Variants in ULK4 observed in about 807,000 individuals in gnomAD.
The protein encoded by ULK4 is inactive serine/threonine-protein kinase ULK4.
Under a neutral mutation model 160.6 loss-of-function variants are expected in ULK4, and 133 were observed. The ratio of observed to expected loss-of-function variants is 0.83; its 90% CI spans 0.72 to 0.96. ULK4 has a LOEUF of 0.96. Among genes scored for constraint, ULK4 ranks in the 40% least tolerant of loss-of-function variants. ULK4 has a pLI of 0.00. For synonymous variants in ULK4, 534 were observed against 539.8 expected (o/e 0.99, Z 0.15); for missense variants, 1,580 against 1,499.5 (o/e 1.05, Z -0.89).
rs1263722124 is a variant in ULK4, at chr3:41,705,316, A to G, written c.2635-11T>C. On this transcript the variant is annotated splice_polypyrimidine_tract_variant and intron_variant, in intron 25 of 36. Coordinates refer to ENST00000301831, the MANE Select transcript of ULK4 (RefSeq NM_017886.4). ...AGATTTAATATGACTCTGAAAAAAAATAAATTTTTAATAAATAGAGTTTCA... is the reference window on the plus strand; with the variant it reads ...AGATTTAATATGACTCTGAAAAAAAGTAAATTTTTAATAAATAGAGTTTCA... 1 of 1,594,948 alleles carries G rather than the reference A, an allele frequency of 6.3e-7. No individual in the cohort carries two copies. Among genetic ancestry groups the G allele is most frequent in the South Asian group, 1.1e-5 (1 of 87,540 alleles).
intron 35 of ULK4, among the ~76,000 whole-genome samples, chr3:41,354,697 T>A (rs1352929844): frequency 1.3e-5 from 2 of 152,122 alleles, no homozygotes. Context: ...GGAAATGAGG[T>A]CCCACTCTGA....
At chr3:41,289,885 G>A (rs55644323) in intron 35 of ULK4, among the ~76,000 whole-genome samples, 38,796 of 151,670 alleles carry the variant, frequency 0.26, 7,554 homozygotes, top group African/African-American at 0.54. Flanking sequence ...GTGTGTGTGT[G>A]TGTATGTGTG....
chr3:41,318,426 C>T (rs990708652), intron 35 of ULK4, among the ~76,000 whole-genome samples: 2 of 152,010 alleles, frequency 1.3e-5, no homozygotes, highest in Non-Finnish European at 2.9e-5. Context: ...AGTAAGTAGG[C>T]ACAGTTGTAT....
At chr3:41,653,207 T>C (rs541971743) in intron 30 of ULK4, among the ~76,000 whole-genome samples, 20 of 152,288 alleles carry the variant, frequency 1.3e-4, no homozygotes, top group Non-Finnish European at 2.9e-4. Context: ...AATATTCCCC[T>C]GCCCTGATCA....
At chr3:41,430,481 A>G (rs937995081) in intron 34 of ULK4, among the ~76,000 whole-genome samples, 6 of 152,230 alleles carry the variant, frequency 3.9e-5, no homozygotes, top group Non-Finnish European at 7.3e-5. Flanking sequence ...AAGGCGCCAC[A>G]GGAGACTCAA....
chr3:41,645,256 G>C (rs890925723), intron 30 of ULK4, among the ~76,000 whole-genome samples: 20 of 151,606 alleles, frequency 1.3e-4, no homozygotes, highest in South Asian at 6.2e-4. Flanking sequence ...GTTTGCTCTT[G>C]CTTTTCTAGT....
intron 35 of ULK4, among the ~76,000 whole-genome samples, chr3:41,283,372 C>T (rs930289191): frequency 1.3e-5 from 2 of 152,132 alleles, no homozygotes; most frequent in African/African-American, 2.4e-5. Flanking sequence ...ACACTATTCA[C>T]AATAGAAAAG....
At chr3:41,902,280 C>T (rs1280948598) in intron 12 of ULK4, among the ~76,000 whole-genome samples, 1 of 151,920 alleles carries the variant, frequency 6.6e-6, no homozygotes, top group African/African-American at 2.4e-5. Flanking sequence ...AGACAAAAGA[C>T]AAGAAAACAC....
At chr3:41,376,583 GACAA>G (rs1462325129) in intron 35 of ULK4, among the ~76,000 whole-genome samples, 4 of 149,520 alleles carry the variant, frequency 2.7e-5, no homozygotes, top group African/African-American at 5.0e-5. Flanking sequence ...ACCAATAACA[GACAA>G]ACAGAGAGCC....
intron 35 of ULK4, among the ~76,000 whole-genome samples, chr3:41,280,057 AAAG>A (rs1271282197): frequency 2.0e-5 from 3 of 152,334 alleles, no homozygotes; most frequent in Admixed American, 2.0e-4. Context: ...CAAAAGAAAC[AAAG>A]AAGGCCATTA....
chr3:41,400,937 T>C, intron 34 of ULK4, among the ~76,000 whole-genome samples: 1 of 152,230 alleles, frequency 6.6e-6, no homozygotes, highest in East Asian at 1.9e-4. Context: ...TGGCAACTGA[T>C]AGTGAACATC....
At chr3:41,524,113 C>T (rs181413031) in intron 32 of ULK4, among the ~76,000 whole-genome samples, 5 of 152,224 alleles carry the variant, frequency 3.3e-5, no homozygotes, top group Admixed American at 6.5e-5. Flanking sequence ...GTTGTCTAGG[C>T]AGAGGTGATT....
chr3:41,702,048 C>T (rs1399018750), intron 27 of ULK4, among the ~76,000 whole-genome samples: 2 of 152,076 alleles, frequency 1.3e-5, no homozygotes, highest in Admixed American at 1.3e-4. Flanking sequence ...AGAATGAAAT[C>T]CAAACAGACC....
chr3:41,526,546 C>G (rs181057908), intron 32 of ULK4, among the ~76,000 whole-genome samples: 1 of 152,364 alleles, frequency 6.6e-6, no homozygotes, highest in East Asian at 1.9e-4. Context: ...CAGCACTCAA[C>G]TTCCCCTGGC....
intron 19 of ULK4, among the ~76,000 whole-genome samples, chr3:41,805,313 T>C (rs1424111662): frequency 2.6e-5 from 4 of 152,202 alleles, no homozygotes; most frequent in African/African-American, 7.2e-5. Flanking sequence ...AGAATGCTTG[T>C]GATTTTTGTA....
At chr3:41,536,424 C>T (rs148840688) in intron 32 of ULK4, among the ~76,000 whole-genome samples, 5 of 152,146 alleles carry the variant, frequency 3.3e-5, no homozygotes, top group East Asian at 3.9e-4. Flanking sequence ...AAAATGCAGG[C>T]GTTAAAGATG....
chr3:41,290,701 T>C (rs2079543117), intron 35 of ULK4, among the ~76,000 whole-genome samples: 1 of 152,226 alleles, frequency 6.6e-6, no homozygotes. Flanking sequence ...CAGAATTATT[T>C]GAACTCCTCT....
intron 17 of ULK4, chr3:41,882,418 A>G: frequency 1.6e-6 from 1 of 631,402 alleles, no homozygotes; most frequent in Non-Finnish European, 2.8e-6. Flanking sequence ...ATCTCAATTC[A>G]GACTAGCTTT....
rs71075470 is a variant in ULK4, at chr3:41,506,767, AAT to A, written c.3227-43516_3227-43515del. Among the ~76,000 whole-genome samples the A allele has an allele frequency of 7.4e-3, 421 of 56,772 alleles. 19 individuals carry two copies. Among genetic ancestry groups the A allele is most frequent in the African/African-American group, 0.031 (376 of 12,234 alleles). 37.2% of individuals were successfully genotyped at this position (56,772 alleles called of 152,430 possible). A position where few individuals can be genotyped will look rare whatever the true frequency, so the allele number is the denominator to read the frequency against. ...AGCAATACACTGGAGTGTGATTTAA[AAT>A]ATATATATATATATATATATATATA... On this transcript the variant is annotated intron_variant, in intron 32 of 36. Coordinates refer to ENST00000301831, the MANE Select transcript of ULK4 (RefSeq NM_017886.4).
Sources: allele counts gnomAD v4.1 joint callset (sites outside exome capture counted in the v4.1 genomes callset), GRCh38; gene constraint gnomAD v4.1.1; transcripts MANE v1.5; gene names NCBI Gene and HGNC (gene_info 2026-07-23, HGNC 2026-07-21).